Variants in LGR5 observed in about 807,000 individuals in gnomAD.
LGR5 encodes the protein leucine rich repeat containing G protein-coupled receptor 5.
A neutral mutation model predicts 76.7 loss-of-function variants in LGR5; 54 were observed. The observed-to-expected ratio is 0.70, with a 90% CI of 0.57 to 0.88. The LOEUF (loss-of-function observed/expected upper bound fraction) is 0.88. Ranked by LOEUF, LGR5 falls within the 40% of genes least tolerant of loss-of-function variation. The probability of loss-of-function intolerance (pLI) is 0.00; values close to 1 mark genes in which losing one functional copy is unlikely to be tolerated. For missense variants in LGR5, 1,078 were observed against 1,073.3 expected, an observed-to-expected ratio of 1.00 and a Z score of -0.06; for synonymous variants, 406 against 421.9, an observed-to-expected ratio of 0.96 and a Z score of 0.46.
In LGR5 at chr12:71,584,408, G is replaced by A; in HGVS notation, c.2398G>A (p.Val800Ile). The stretch of plus-strand genomic sequence containing the variant: ...AAACCTTACATTTATCAGTCCTGAA[G>A]TAATTAAGTTTATCCTTCTGGTGGT... ...LINLTFISPE[V>I]IKFILLVVVP... Residue 800 changes from valine to isoleucine, a missense_variant, in exon 18 of 18, where the codon GTA becomes ATA. Transcript: ENST00000266674. The A allele has an allele frequency of 1.2e-6, 2 of 1,614,050 alleles. No homozygotes were observed. The highest frequency in any genetic ancestry group is 1.7e-6 in the Non-Finnish European group (2 of 1,179,942).
chr12:71,554,223 A>T (rs943660454), intron 5 of LGR5, among the ~76,000 whole-genome samples: 1 of 152,158 alleles, frequency 6.6e-6, no homozygotes, highest in Admixed American at 6.6e-5. Context: ...GAGCTAGGGA[A>T]TGGGGAATGC....
chr12:71,470,667 C>A (rs1873060771), intron 1 of LGR5, among the ~76,000 whole-genome samples: 1 of 152,150 alleles, frequency 6.6e-6, no homozygotes, highest in Admixed American at 6.5e-5. Context: ...GAGATAAAAT[C>A]CAAACGCAGC....
intron 2 of LGR5, among the ~76,000 whole-genome samples, chr12:71,520,483 T>C (rs1875671808): frequency 6.6e-6 from 1 of 152,148 alleles, no homozygotes; most frequent in African/African-American, 2.4e-5. Flanking sequence ...GTGGTGATGG[T>C]TAGACTACAT....
intron 1 of LGR5, among the ~76,000 whole-genome samples, chr12:71,461,033 C>T (rs1872665788): frequency 6.6e-6 from 1 of 152,152 alleles, no homozygotes; most frequent in South Asian, 2.1e-4. Flanking sequence ...CTTATCCACT[C>T]TCCTTGCCAC....
chr12:71,489,422 T>C (rs999099243), intron 1 of LGR5, among the ~76,000 whole-genome samples: 1 of 152,204 alleles, frequency 6.6e-6, no homozygotes, highest in African/African-American at 2.4e-5. Context: ...ATTTTTGTTG[T>C]TCCAATTCAG....
At chr12:71,480,383 A>G (rs1009645191) in intron 1 of LGR5, among the ~76,000 whole-genome samples, 5 of 149,996 alleles carry the variant, frequency 3.3e-5, no homozygotes, top group African/African-American at 9.8e-5. Flanking sequence ...AAAAAAAGAG[A>G]ATGAGGAACA....
chr12:71,510,336 A>T (rs1455215714), intron 2 of LGR5, among the ~76,000 whole-genome samples: 1 of 152,208 alleles, frequency 6.6e-6, no homozygotes, highest in African/African-American at 2.4e-5. Context: ...ACATTTAGAT[A>T]TCGGTCATTG....
At chr12:71,546,179 G>A (rs978590783) in intron 4 of LGR5, among the ~76,000 whole-genome samples, 3 of 152,100 alleles carry the variant, frequency 2.0e-5, no homozygotes, top group South Asian at 4.2e-4. Flanking sequence ...GCTGGGTGTG[G>A]TGGCATGCAC....
At chr12:71,556,484 T>C (rs1877770596) in intron 5 of LGR5, 135 bp from the exon 6 acceptor site, 1 of 659,250 alleles carries the variant, frequency 1.5e-6, no homozygotes, top group Non-Finnish European at 2.7e-6. Flanking sequence ...GAATGCAGCA[T>C]ATAGCCATTT....
At position 71,577,950 on chromosome 12, in the gene LGR5, A is replaced by G. The variant is rs1565777091; in HGVS notation, c.1234A>G (p.Ile412Val). 2 of 1,613,654 alleles carry G rather than the reference A, an allele frequency of 1.2e-6. No homozygotes were observed. The highest frequency in any genetic ancestry group is 2.2e-5 in the East Asian group (1 of 44,868). Residue 412 changes from isoleucine to valine, a missense_variant, in exon 14 of 18, where the codon ATT becomes GTT. Transcript: ENST00000266674. ...GAATTTGGCTTGGAACAAAATTGCT[A>G]TTATTCACCCCAATGCATTTTCCAC... ...SLNLAWNKIA[I>V]IHPNAFSTLP...
At chr12:71,566,378 T>C (rs201280405) in intron 8 of LGR5, 26 bp from the exon 9 acceptor site, 23 of 1,435,060 alleles carry the variant, frequency 1.6e-5, no homozygotes, top group Admixed American at 1.8e-5. Context: ...TACTAAGATA[T>C]TAATTGCTGT....
intron 1 of LGR5, among the ~76,000 whole-genome samples, chr12:71,451,974 C>T (rs1592453432): frequency 6.6e-6 from 1 of 152,092 alleles, no homozygotes; most frequent in African/African-American, 2.4e-5. Context: ...TCCTGTTCTA[C>T]TCACCCCAAG....
At chr12:71,529,041 T>C (rs1876162268) in intron 3 of LGR5, among the ~76,000 whole-genome samples, 1 of 152,234 alleles carries the variant, frequency 6.6e-6, no homozygotes, top group Non-Finnish European at 1.5e-5. Context: ...TGGGAGAATA[T>C]TCATGCTCAA....
At chr12:71,580,720 C>T (rs959291207) in intron 16 of LGR5, among the ~76,000 whole-genome samples, 3 of 152,056 alleles carry the variant, frequency 2.0e-5, no homozygotes, top group African/African-American at 7.2e-5. Context: ...ATCGCTTCAA[C>T]CCGGGAGGCA....
At chr12:71,449,381 G>A (rs1182739161) in intron 1 of LGR5, among the ~76,000 whole-genome samples, 2 of 152,184 alleles carry the variant, frequency 1.3e-5, no homozygotes, top group Non-Finnish European at 2.9e-5. Flanking sequence ...CTGGGACTCA[G>A]TGCAATATAG....
Position 71,506,139 on chromosome 12 carries a change from C to A in LGR5, c.284+1454C>A, listed in dbSNP as rs577931050. Among the ~76,000 whole-genome samples the A allele has an allele frequency of 7.4e-4, 112 of 152,254 alleles. 2 individuals are homozygous for A. In the South Asian group the frequency reaches 1.0e-2, roughly 14 times the overall value. On this transcript the variant is annotated intron_variant, in intron 2 of 17. Transcript: ENST00000266674. ...TTTAAAGGTTATTTTAAATAATTTT[C>A]AAACATCAGAATTTTAAAAAATTAC...
chr12:71,553,169 A>G lies in LGR5; in HGVS notation c.525A>G (p.Thr175=). The G allele has an allele frequency of 1.2e-6, 2 of 1,614,090 alleles. No homozygotes were observed. The highest frequency in any genetic ancestry group is 1.7e-6 in the Non-Finnish European group (2 of 1,180,008). Residue 175 remains threonine, a synonymous_variant, in exon 5 of 18, where the codon ACA becomes ACG. Coordinates refer to ENST00000266674, the MANE Select transcript of LGR5 (RefSeq NM_003667.4). Reference sequence around the variant, plus strand: ...TGTGGCTGGATGACAATGCGTTAACAGAAATCCCCGTCCAGGCTTTTAGAA... The same window carrying G: ...TGTGGCTGGATGACAATGCGTTAACGGAAATCCCCGTCCAGGCTTTTAGAA... ...RHLWLDDNAL[T]EIPVQAFRSL...
At position 71,503,652 on chromosome 12, in the gene LGR5, A is replaced by G. The variant is rs116170253; in HGVS notation, c.213-962A>G. Among the ~76,000 whole-genome samples the G allele has an allele frequency of 6.5e-3, 988 of 152,308 alleles. 7 individuals carry two copies. Among genetic ancestry groups the G allele is most frequent in the African/African-American group, 0.022 (918 of 41,556 alleles). ...AATTCAGGTTGAAAAGAACTTCATT[A>G]TCTTTTCTCAAGATAAATTTTAATG... On this transcript the variant is annotated intron_variant, in intron 1 of 17. Transcript: ENST00000266674.
At chr12:71,473,418 A>C (rs997566668) in intron 1 of LGR5, among the ~76,000 whole-genome samples, 3 of 152,200 alleles carry the variant, frequency 2.0e-5, no homozygotes, top group Non-Finnish European at 4.4e-5. Flanking sequence ...TTTCAGAAAG[A>C]AACTGAAAAA....
Sources: allele counts gnomAD v4.1 joint callset (sites outside exome capture counted in the v4.1 genomes callset), GRCh38; gene constraint gnomAD v4.1.1; transcripts MANE v1.5; gene names NCBI Gene and HGNC (gene_info 2026-07-23, HGNC 2026-07-21).